The following MYO5B variants were observed in gnomAD, a reference collection of about 807,000 sequenced individuals.
MYO5B encodes the protein myosin VB, also known as unconventional myosin-Vb.
MYO5B carries 143 observed loss-of-function variants against 229.3 expected under a neutral mutation model. The observed-to-expected ratio is 0.62, with a 90% CI of 0.54 to 0.72. MYO5B has a LOEUF of 0.72. Ranked by LOEUF, MYO5B falls within the 30% of genes least tolerant of loss-of-function variation. MYO5B has a pLI of 0.00. For synonymous variants in MYO5B, 918 were observed against 885.2 expected (o/e 1.04, Z -0.66); for missense variants, 2,321 against 2,331.0 (o/e 1.00, Z 0.09).
intron 9 of MYO5B, among the ~76,000 whole-genome samples, chr18:49,975,378 GTA>G (rs1490043534): frequency 6.6e-6 from 1 of 152,194 alleles, no homozygotes; most frequent in African/African-American, 2.4e-5. Flanking sequence ...TTCTGAAATT[GTA>G]TATGATACCA....
chr18:49,830,234 T>C (rs1171413220), intron 39 of MYO5B, among the ~76,000 whole-genome samples: 3 of 151,102 alleles, frequency 2.0e-5, no homozygotes, highest in African/African-American at 7.3e-5. Flanking sequence ...TAAAAATCAG[T>C]TGTATTTCTA....
rs1020428680 is a variant in MYO5B at position 50,195,073 on chromosome 18, G to T, written c.-280C>A. 9.7e-6 allele frequency: 3 copies of T among 310,302 alleles called. No individual in the cohort carries two copies. The highest frequency in any genetic ancestry group is 6.6e-5 in the African/African-American group (3 of 45,756). 19.2% of individuals were successfully genotyped at this position (310,302 alleles called of 1,614,324 possible). A position where few individuals can be genotyped will look rare whatever the true frequency, so the allele number is the denominator to read the frequency against. On this transcript the variant is annotated 5_prime_UTR_variant, in exon 1 of 40. Coordinates refer to ENST00000285039, the MANE Select transcript of MYO5B (RefSeq NM_001080467.3). ...CGCACCACTCCCCTCCCAGGTGTGG[G>T]GAGGAGGCGAGGGCCGGCGAGGAGG...
intron 12 of MYO5B, among the ~76,000 whole-genome samples, chr18:49,961,698 C>T (rs1598914332): frequency 6.6e-6 from 1 of 152,296 alleles, no homozygotes; most frequent in South Asian, 2.1e-4. Context: ...AAACCAGAGG[C>T]TAAAGAAGTT....
chr18:49,826,346 A>C lies in MYO5B; in HGVS notation c.*125T>G. 8.2e-7 allele frequency: 1 copy of C among 1,213,768 alleles called. No homozygotes were observed. Among genetic ancestry groups the C allele is most frequent in the Admixed American group, 2.0e-5 (1 of 50,252 alleles). The allele number at this position is 1,213,768 out of a possible 1,614,324, so 75.2% of individuals were successfully genotyped here. On this transcript the variant is annotated 3_prime_UTR_variant, in exon 40 of 40. Transcript: ENST00000285039. ...AATTCTGTATAGTTCAGCACCCTCC[A>C]CAGGCTGTCAATCTCTGATTTGATC...
At chr18:49,881,787 T>C (rs1316985720) in intron 22 of MYO5B, among the ~76,000 whole-genome samples, 1 of 123,306 alleles carries the variant, frequency 8.1e-6, no homozygotes, top group Non-Finnish European at 1.7e-5. Context: ...TGGGAGACAG[T>C]GAGACTCCGT....
At chr18:50,013,009 G>A (rs1320761448) in intron 4 of MYO5B, among the ~76,000 whole-genome samples, 1 of 152,196 alleles carries the variant, frequency 6.6e-6, no homozygotes, top group Non-Finnish European at 1.5e-5. Context: ...CACAGTGAGT[G>A]CTGGCTGTAC....
rs2144010672 is a variant in MYO5B, at chr18:49,825,921, A to G, written c.*550T>C. 1 of 162,360 alleles carries G rather than the reference A, an allele frequency of 6.2e-6. No individual in the cohort carries two copies. Among genetic ancestry groups the G allele is most frequent in the Admixed American group, 5.8e-5 (1 of 17,374 alleles). 10.1% of individuals were successfully genotyped at this position (162,360 alleles called of 1,614,324 possible). A position where few individuals can be genotyped will look rare whatever the true frequency, so the allele number is the denominator to read the frequency against. ...TGTGTATAATCAGCCATTAAAAAAT[A>G]TTTTGGGAATATTTCTCAGAAGTCT... is the stretch of plus-strand genomic sequence containing the variant. On this transcript the variant is annotated 3_prime_UTR_variant, in exon 40 of 40. Coordinates refer to ENST00000285039, the MANE Select transcript of MYO5B (RefSeq NM_001080467.3).
chr18:50,181,807 G>A (rs901387618), intron 1 of MYO5B, among the ~76,000 whole-genome samples: 4 of 152,154 alleles, frequency 2.6e-5, no homozygotes, highest in African/African-American at 7.2e-5. Flanking sequence ...CAATTAAAAG[G>A]GCAAGCAGCT....
chr18:49,823,884 T>A lies in MYO5B; in HGVS notation c.*2587A>T, dbSNP rs569596397. The A allele has an allele frequency of 1.3e-5, 2 of 152,790 alleles. No individual in the cohort carries two copies. The highest frequency in any genetic ancestry group is 4.1e-4 in the South Asian group (2 of 4,826). 9.5% of individuals were successfully genotyped at this position (152,790 alleles called of 1,614,324 possible). On this transcript the variant is annotated 3_prime_UTR_variant, in exon 40 of 40. Coordinates refer to ENST00000285039, the MANE Select transcript of MYO5B (RefSeq NM_001080467.3). ...ATCTATAAATATTTGATTCTTAATATTTAAAATGCTTCTAATGTTTTAAAA... is the reference window on the plus strand; with the variant it reads ...ATCTATAAATATTTGATTCTTAATAATTAAAATGCTTCTAATGTTTTAAAA...
At chr18:49,929,131 T>C (rs564448979) in intron 17 of MYO5B, among the ~76,000 whole-genome samples, 2 of 152,210 alleles carry the variant, frequency 1.3e-5, no homozygotes, top group Non-Finnish European at 2.9e-5. Context: ...ATTTAAAAAG[T>C]AGTTAAGATG....
At chr18:50,043,082 G>C (rs879489248) in intron 2 of MYO5B, among the ~76,000 whole-genome samples, 1 of 151,238 alleles carries the variant, frequency 6.6e-6, no homozygotes, top group African/African-American at 2.4e-5. Flanking sequence ...CCACTATTGT[G>C]TATCTACCCA....
In MYO5B at chr18:50,151,513, G is replaced by GA; in HGVS notation, c.27+43253dup. On this transcript the variant is annotated intron_variant, in intron 1 of 39. Coordinates refer to ENST00000285039, the MANE Select transcript of MYO5B (RefSeq NM_001080467.3). Reference sequence around the variant, plus strand: ...TGGATAGGGGTGGGCTTTTATGTCAGAAAAATGTAGGTTTAAATAAAGACT... The same window carrying GA: ...TGGATAGGGGTGGGCTTTTATGTCAGAAAAAATGTAGGTTTAAATAAAGACT... 1.3e-5 allele frequency among the ~76,000 whole-genome samples: 2 copies of GA among 152,262 alleles called. 1 individual carries two copies. Among genetic ancestry groups the GA allele is most frequent in the South Asian group, 4.1e-4 (2 of 4,824 alleles).
At chr18:49,955,437 T>C (rs1047784893) in intron 12 of MYO5B, among the ~76,000 whole-genome samples, 15 of 152,330 alleles carry the variant, frequency 9.8e-5, no homozygotes, top group Admixed American at 3.3e-4. Context: ...CAGTCCTCAG[T>C]GACGGGTCAC....
At chr18:49,879,459 A>C (rs558120880) in intron 23 of MYO5B, 1 of 335,456 alleles carries the variant, frequency 3.0e-6, no homozygotes, top group East Asian at 7.7e-5. Context: ...CTGATCTTTC[A>C]GTTCTTAGGA....
chr18:50,011,186 C>A (rs559498959), intron 4 of MYO5B, among the ~76,000 whole-genome samples: 1 of 152,128 alleles, frequency 6.6e-6, no homozygotes, highest in East Asian at 1.9e-4. Context: ...ACTAAAAATA[C>A]CAAAAATTAG....
chr18:50,105,367 T>C (rs1283779830), intron 1 of MYO5B, among the ~76,000 whole-genome samples: 3 of 152,126 alleles, frequency 2.0e-5, no homozygotes, highest in Admixed American at 1.3e-4. Context: ...CAGGATGTCA[T>C]TACCATCTGG....
At chr18:49,954,941 T>C (rs147041825) in intron 12 of MYO5B, among the ~76,000 whole-genome samples, 232 of 152,358 alleles carry the variant, frequency 1.5e-3, no homozygotes, top group Non-Finnish European at 2.7e-3. Context: ...TCCTGACCAC[T>C]GTTGATCTCA....
intron 21 of MYO5B, among the ~76,000 whole-genome samples, chr18:49,899,714 C>T (rs2024818934): frequency 6.6e-6 from 1 of 152,184 alleles, no homozygotes; most frequent in Non-Finnish European, 1.5e-5. Context: ...TCCTAGGGTT[C>T]TGGTGGGGAT....
chr18:50,173,726 C>A (rs1292359885), intron 1 of MYO5B, among the ~76,000 whole-genome samples: 1 of 152,132 alleles, frequency 6.6e-6, no homozygotes, highest in Non-Finnish European at 1.5e-5. Flanking sequence ...ATGCCTCTTA[C>A]TGGGATGGTG....
Sources: allele counts gnomAD v4.1 joint callset (sites outside exome capture counted in the v4.1 genomes callset), GRCh38; gene constraint gnomAD v4.1.1; transcripts MANE v1.5; gene names NCBI Gene and HGNC (gene_info 2026-07-23, HGNC 2026-07-21).